PTPRM: variants seen among roughly 807,000 people sequenced by gnomAD.
PTPRM encodes the protein receptor-type tyrosine-protein phosphatase mu.
A neutral mutation model predicts 186.7 loss-of-function variants in PTPRM; 47 were observed. That is an observed-to-expected ratio of 0.25 (90% confidence interval 0.20 to 0.32). The LOEUF (loss-of-function observed/expected upper bound fraction) is 0.32, where lower values mean the gene tolerates loss of function less well. Ranked by LOEUF, PTPRM falls within the 10% of genes least tolerant of loss-of-function variation. The pLI, the probability that PTPRM is intolerant of heterozygous loss-of-function variation, is 1.00. For missense variants in PTPRM, 1,494 were observed against 1,865.0 expected, an observed-to-expected ratio of 0.80 and a Z score of 3.66; for synonymous variants, 668 against 674.9, an observed-to-expected ratio of 0.99 and a Z score of 0.16.
chr18:8,001,147 C>G lies in PTPRM; in HGVS notation c.1132+45733C>G, dbSNP rs2083848264. Among the ~76,000 whole-genome samples the G allele has an allele frequency of 2.6e-5, 4 of 152,184 alleles. No homozygotes were observed. In the South Asian group the frequency reaches 8.3e-4, roughly 32 times the overall value. ...CAGCATGTGCCTGAAGTCATGGGTC[C>G]AGCAGCTGTACCACCTCTTGCTGTC... On this transcript the variant is annotated intron_variant, in intron 7 of 32. Coordinates refer to ENST00000580170, the MANE Select transcript of PTPRM (RefSeq NM_001105244.2).
intron 1 of PTPRM, among the ~76,000 whole-genome samples, chr18:7,719,056 A>G (rs1372256017): frequency 6.6e-6 from 1 of 152,214 alleles, no homozygotes; most frequent in Non-Finnish European, 1.5e-5. Context: ...GTATTTACCT[A>G]ATGGAAAAGA....
chr18:7,628,919 G>T (rs2038124655), intron 1 of PTPRM, among the ~76,000 whole-genome samples: 1 of 152,192 alleles, frequency 6.6e-6, no homozygotes, highest in Non-Finnish European at 1.5e-5. Context: ...GGAAGCTGAG[G>T]TTGGCAAGGT....
chr18:8,085,337 G>C (rs1418773673), intron 9 of PTPRM, among the ~76,000 whole-genome samples: 2 of 151,888 alleles, frequency 1.3e-5, no homozygotes, highest in Non-Finnish European at 2.9e-5. Context: ...GTTTGAGCTA[G>C]TTGTATATTT....
chr18:8,359,941 A>G (rs1208984077), intron 23 of PTPRM, among the ~76,000 whole-genome samples: 1 of 152,234 alleles, frequency 6.6e-6, no homozygotes, highest in Non-Finnish European at 1.5e-5. Flanking sequence ...TCTTGAAGGC[A>G]GGATTCTTTT....
intron 11 of PTPRM, among the ~76,000 whole-genome samples, chr18:8,099,818 G>A (rs2091204208): frequency 1.3e-5 from 2 of 152,216 alleles, no homozygotes; most frequent in African/African-American, 2.4e-5. Context: ...GACACAAGAA[G>A]ACTTGGGTTT....
intron 14 of PTPRM, among the ~76,000 whole-genome samples, chr18:8,198,248 G>C (rs943445500): frequency 2.6e-5 from 4 of 152,138 alleles, no homozygotes; most frequent in Non-Finnish European, 5.9e-5. Context: ...CCAGGCCCAG[G>C]TGATCCTCCC....
At chr18:8,011,934 A>G (rs1047891146) in intron 7 of PTPRM, among the ~76,000 whole-genome samples, 1 of 152,248 alleles carries the variant, frequency 6.6e-6, no homozygotes, top group African/African-American at 2.4e-5. Flanking sequence ...ACGTATAGAA[A>G]TAGGTATAAG....
At position 8,253,391 on chromosome 18, in the gene PTPRM, T is replaced by C; in HGVS notation, c.2731T>C (p.Tyr911His). Residue 911 changes from tyrosine to histidine, a missense_variant, in exon 19 of 33, where the codon TAC (tyrosine) becomes CAC (histidine). Tyr to His is a moderately conservative substitution (Grantham distance 83). Around this residue, in one of 3 missense-constraint regions of PTPRM, gnomAD observed 1,107 missense variants for 1,350.2 expected, o/e 0.82. Transcript: ENST00000580170. ...CACACAGATGAAGTGTGCGGAGGGCTACGGCTTCAAGGAGGAATACGAGGT... is the reference window on the plus strand; with the variant it reads ...CACACAGATGAAGTGTGCGGAGGGCCACGGCTTCAAGGAGGAATACGAGGT... The part of the protein sequence containing the change: ...HITQMKCAEG[Y>H]GFKEEYESFF... 1 of 1,543,602 alleles carries C rather than the reference T, an allele frequency of 6.5e-7. No individual in the cohort carries two copies. Among genetic ancestry groups the C allele is most frequent in the Non-Finnish European group, 8.7e-7 (1 of 1,145,690 alleles).
At chr18:7,771,504 A>C (rs887677771) in intron 1 of PTPRM, among the ~76,000 whole-genome samples, 4 of 152,242 alleles carry the variant, frequency 2.6e-5, no homozygotes, top group Non-Finnish European at 5.9e-5. Flanking sequence ...AAACTCAGTA[A>C]GAGGGCAATA....
chr18:8,153,195 G>A (rs1270346664), intron 14 of PTPRM, among the ~76,000 whole-genome samples: 5 of 152,088 alleles, frequency 3.3e-5, no homozygotes, highest in Non-Finnish European at 5.9e-5. Context: ...TTTTAATTCC[G>A]GGAATATGGT....
intron 2 of PTPRM, among the ~76,000 whole-genome samples, chr18:7,885,296 G>C (rs914027347): frequency 2.6e-5 from 4 of 152,074 alleles, no homozygotes; most frequent in Non-Finnish European, 4.4e-5. Context: ...ACAGAGGAAG[G>C]GGGCAGAGGC....
intron 2 of PTPRM, among the ~76,000 whole-genome samples, chr18:7,884,919 C>A: frequency 1.7e-5 from 1 of 60,254 alleles, no homozygotes; most frequent in Non-Finnish European, 2.8e-5. Context: ...AGCAAAGCTC[C>A]ATCTCAAAAA....
At chr18:7,842,930 G>GTGTGTGTGTATATATATATATATA (rs377182615) in intron 2 of PTPRM, among the ~76,000 whole-genome samples, 2 of 100,934 alleles carry the variant, frequency 2.0e-5, no homozygotes, top group African/African-American at 9.9e-5. Flanking sequence ...GTGTGTGTGT[G>GTGTGTGTGTATATATATATATATA]TATATATATA....
intron 1 of PTPRM, among the ~76,000 whole-genome samples, chr18:7,688,078 A>T (rs555056912): frequency 6.6e-6 from 1 of 152,148 alleles, no homozygotes; most frequent in African/African-American, 2.4e-5. Context: ...CCTGGTCAAA[A>T]TTTTTTTAAA....
intron 4 of PTPRM, among the ~76,000 whole-genome samples, chr18:7,909,069 G>A (rs1176325732): frequency 6.6e-6 from 1 of 152,206 alleles, no homozygotes; most frequent in East Asian, 1.9e-4. Flanking sequence ...AGTCAAGGTT[G>A]CACATGGCTT....
At chr18:7,832,416 G>A (rs1197340475) in intron 2 of PTPRM, among the ~76,000 whole-genome samples, 2 of 152,114 alleles carry the variant, frequency 1.3e-5, no homozygotes, top group Admixed American at 6.6e-5. Flanking sequence ...TTTGCCACTT[G>A]TATGTCTTCT....
chr18:7,719,178 A>G (rs958020604), intron 1 of PTPRM, among the ~76,000 whole-genome samples: 6 of 152,244 alleles, frequency 3.9e-5, no homozygotes, highest in African/African-American at 1.4e-4. Flanking sequence ...GGATAAAGAA[A>G]ATGTGCTATG....
intron 7 of PTPRM, among the ~76,000 whole-genome samples, chr18:8,018,444 A>G (rs995918582): frequency 1.4e-4 from 21 of 152,204 alleles, no homozygotes; most frequent in African/African-American, 4.8e-4. Flanking sequence ...GTCACAGAGC[A>G]TTCGATTTAT....
intron 1 of PTPRM, among the ~76,000 whole-genome samples, chr18:7,675,779 G>A (rs2039321239): frequency 6.6e-6 from 1 of 150,670 alleles, no homozygotes; most frequent in Non-Finnish European, 1.5e-5. Flanking sequence ...CTGTTGCCCA[G>A]GCTAGAGTGC....
Sources: allele counts gnomAD v4.1 joint callset (sites outside exome capture counted in the v4.1 genomes callset), GRCh38; gene constraint gnomAD v4.1.1; regional missense constraint gnomAD v4.1.1; transcripts MANE v1.5; gene names NCBI Gene and HGNC (gene_info 2026-07-23, HGNC 2026-07-21).